The following CMTR1 variants were observed in gnomAD, a reference collection of about 807,000 sequenced individuals.
CMTR1 encodes the protein cap-specific mRNA (nucleoside-2'-O-)-methyltransferase 1.
A neutral mutation model predicts 107.0 loss-of-function variants in CMTR1; 39 were observed. The ratio of observed to expected loss-of-function variants is 0.36; its 90% confidence interval spans 0.28 to 0.48. The LOEUF is 0.48. CMTR1 is among the 20% of genes least tolerant of loss of function. CMTR1 has a pLI of 0.99. For missense variants in CMTR1, 672 were observed against 1,064.9 expected, an observed-to-expected ratio of 0.63 and a Z score of 5.14; for synonymous variants, 366 against 379.5, an observed-to-expected ratio of 0.96 and a Z score of 0.41.
At chr6:37,466,908 C>A (rs1180344076) in intron 13 of CMTR1, among the ~76,000 whole-genome samples, 1 of 152,142 alleles carries the variant, frequency 6.6e-6, no homozygotes, top group Non-Finnish European at 1.5e-5. Flanking sequence ...CGGTGGCTCA[C>A]ACCTGTAATC....
intron 11 of CMTR1, 129 bp from the exon 12 acceptor site, chr6:37,461,841 A>C (rs1294330069): frequency 9.2e-7 from 1 of 1,090,568 alleles, no homozygotes; most frequent in Non-Finnish European, 1.3e-6. Flanking sequence ...TCCCCCTTAA[A>C]TTGTCTCTGA....
intron 1 of CMTR1, among the ~76,000 whole-genome samples, chr6:37,434,015 G>C (rs563226404): frequency 6.6e-6 from 1 of 152,308 alleles, no homozygotes; most frequent in South Asian, 2.1e-4. Flanking sequence ...CTCCCCCCGA[G>C]TCACTTAAGA....
chr6:37,455,740 G>A (rs536274501), intron 8 of CMTR1, among the ~76,000 whole-genome samples: 1 of 152,270 alleles, frequency 6.6e-6, no homozygotes, highest in East Asian at 1.9e-4. Context: ...CATGGAAAAG[G>A]ATAAGAGTTT....
chr6:37,469,919 T>TG (rs1237105218), intron 13 of CMTR1, among the ~76,000 whole-genome samples: 8 of 139,146 alleles, frequency 5.7e-5, no homozygotes, highest in African/African-American at 2.7e-4. Flanking sequence ...CTAGATGATC[T>TG]GTTTTTTTTT....
chr6:37,428,014 GAGAGAGAGAGAGAGAGA>G, the CMTR1 span, among the ~76,000 whole-genome samples: 261 of 63,286 alleles, frequency 4.1e-3, 1 homozygote, highest in African/African-American at 0.023. Context: ...GAGACAGAGA[GAGAGAGAGAGAGAGAGA>G]GAGAGAGAGA....
At chr6:37,471,488 A>AT (rs1425128820) in intron 14 of CMTR1, among the ~76,000 whole-genome samples, 8 of 152,158 alleles carry the variant, frequency 5.3e-5, no homozygotes, top group Non-Finnish European at 8.8e-5. Flanking sequence ...GGTGACATCC[A>AT]GTGGGATGGG....
chr6:37,476,223 T>A lies in CMTR1; in HGVS notation c.2105+29T>A, dbSNP rs6921274. ...AGCATGTGGTCCCTACCCTCCATGC[T>A]TCTTTCTGGCCAGTACCTGCTGCTC... On this transcript the variant is annotated intron_variant, in intron 20 of 23. Coordinates refer to ENST00000373451, the MANE Select transcript of CMTR1 (RefSeq NM_015050.3). The A allele has an allele frequency of 3.7e-4, 595 of 1,612,258 alleles. 1 individual carries two copies. In the African/African-American group the frequency reaches 6.9e-3, roughly 19 times the overall value.
intron 13 of CMTR1, among the ~76,000 whole-genome samples, chr6:37,469,521 C>CTTTTTTTT (rs763917812): frequency 6.3e-4 from 39 of 61,616 alleles, no homozygotes; most frequent in Non-Finnish European, 9.0e-4. Flanking sequence ...TTGTTTTATC[C>CTTTTTTTT]TTTTTTTTTT....
chr6:37,478,336 T>G (rs1182779001), intron 21 of CMTR1, 73 bp from the exon 22 acceptor site: 2 of 1,172,574 alleles, frequency 1.7e-6, no homozygotes, highest in African/African-American at 1.5e-5. Context: ...TGGGGTGATT[T>G]TATTAGTCAG....
At chr6:37,477,024 G>A (rs1011443204) in intron 20 of CMTR1, among the ~76,000 whole-genome samples, 1 of 152,170 alleles carries the variant, frequency 6.6e-6, no homozygotes, top group African/African-American at 2.4e-5. Flanking sequence ...TTGGTTGCTC[G>A]ATTTCTGGGA....
Position 37,458,554 on chromosome 6 carries a change from G to A in CMTR1, c.778-58G>A, listed in dbSNP as rs143741473. ...TTACTCTCCCTGCATTCTCCTTCCT[G>A]TTGCCCATTGAGCTGTCTTGTTTTC... On this transcript the variant is annotated intron_variant, in intron 8 of 23. Transcript: ENST00000373451. The surrounding 1 kb of genome is among the most constrained non-coding windows in gnomAD (Gnocchi z 4.7). 3.5e-4 allele frequency: 536 copies of A among 1,545,410 alleles called. 3 individuals carry two copies. In the African/African-American group the frequency reaches 6.7e-3, roughly 19 times the overall value.
chr6:37,428,002 CAGAGACAG>C, the CMTR1 span, among the ~76,000 whole-genome samples: 460 of 87,702 alleles, frequency 5.2e-3, 2 homozygotes, highest in African/African-American at 0.015. Context: ...ACCTAAGCAA[CAGAGACAG>C]AGAGAGAGAG....
At chr6:37,425,023 A>T in the CMTR1 span, among the ~76,000 whole-genome samples, 1 of 139,056 alleles carries the variant, frequency 7.2e-6, no homozygotes, top group Non-Finnish European at 1.5e-5. Context: ...ATCTCAGCTC[A>T]CTGCAACCTC....
rs139096384 is a variant in CMTR1 at position 37,478,532 on chromosome 6, A to G, written c.2266+11A>G. On this transcript the variant is annotated intron_variant, in intron 22 of 23. Coordinates refer to ENST00000373451, the MANE Select transcript of CMTR1 (RefSeq NM_015050.3). ...TCAGGACAGTGAATGGTGGGTGAGG[A>G]GGGACTGTTCCCGCCATCCCCTCCC... 1.0e-5 allele frequency: 16 copies of G among 1,601,066 alleles called. No homozygotes were observed. Among genetic ancestry groups the G allele is most frequent in the Non-Finnish European group, 1.3e-5 (15 of 1,168,336 alleles).
intron 16 of CMTR1, among the ~76,000 whole-genome samples, 153 bp from the exon 17 acceptor site, chr6:37,473,315 GCA>G (rs1255289797): frequency 2.0e-5 from 3 of 151,986 alleles, no homozygotes; most frequent in African/African-American, 7.3e-5. Flanking sequence ...CCCATTTAGT[GCA>G]CAGTTAGGTA....
At chr6:37,426,791 G>C in the CMTR1 span, among the ~76,000 whole-genome samples, 1 of 152,154 alleles carries the variant, frequency 6.6e-6, no homozygotes, top group Non-Finnish European at 1.5e-5. Flanking sequence ...TAATGTCCTA[G>C]TCTTTAATGT....
In CMTR1 at chr6:37,475,392, G is replaced by A. The variant is rs758299023; in HGVS notation, c.2016G>A (p.Arg672=). The change falls in exon 19 of 24, where the codon CGG becomes CGA. Residue 672 remains arginine (R), a synonymous_variant. Coordinates refer to ENST00000373451, the MANE Select transcript of CMTR1 (RefSeq NM_015050.3). ...DVLVLNGTDV[R]EQHFNQRIQL... is the part of the protein sequence containing the mutation. ...TTGTGCTGAATGGCACCGACGTTCG[G>A]GAGCAGCACTTTAACCAGCGGTCTG... 3.3e-5 allele frequency: 54 copies of A among 1,613,870 alleles called. 1 individual carries two copies. The South Asian group carries it at 5.9e-4, about 18-fold the overall frequency.
At chr6:37,441,918 A>G (rs1771685887) in intron 2 of CMTR1, among the ~76,000 whole-genome samples, 1 of 152,186 alleles carries the variant, frequency 6.6e-6, no homozygotes, top group Admixed American at 6.5e-5. Flanking sequence ...AGAGAATTGG[A>G]CAGCCACCAT....
In CMTR1 at chr6:37,458,525, T is replaced by C. The variant is rs1186026010; in HGVS notation, c.778-87T>C. 2.2e-5 allele frequency: 29 copies of C among 1,330,328 alleles called. No homozygotes were observed. Among genetic ancestry groups the C allele is most frequent in the Non-Finnish European group, 3.0e-5 (29 of 958,398 alleles). The allele number at this position is 1,330,328 out of a possible 1,614,324, so 82.4% of individuals were successfully genotyped here. ...TCTGGATTGTACTTGCCGAAAGGCTTATTTTACTCTCCCTGCATTCTCCTT... is the reference window on the plus strand; with the variant it reads ...TCTGGATTGTACTTGCCGAAAGGCTCATTTTACTCTCCCTGCATTCTCCTT... On this transcript the variant is annotated intron_variant, in intron 8 of 23. Transcript: ENST00000373451. The surrounding 1 kb of genome is among the most constrained non-coding windows in gnomAD (Gnocchi z 4.7).
Sources: gnomAD v4.1 joint callset for allele counts (sites outside exome capture counted in the v4.1 genomes callset) on GRCh38, gnomAD v4.1.1 for gene constraint, Gnocchi (gnomAD v3.1) non-coding constraint, MANE v1.5 for transcripts, NCBI Gene and HGNC (gene_info 2026-07-23, HGNC 2026-07-21) for gene names.